FER: variants seen among roughly 807,000 people sequenced by gnomAD.
FER encodes the protein FER tyrosine kinase.
A neutral mutation model predicts 111.0 loss-of-function variants in FER; 63 were observed. The ratio of observed to expected loss-of-function variants is 0.57; its 90% confidence interval spans 0.46 to 0.70. FER has a LOEUF of 0.70. Ranked by LOEUF, FER falls within the 30% of genes least tolerant of loss-of-function variation. FER has a pLI of 0.00. For synonymous variants in FER, 327 were observed against 313.9 expected, an observed-to-expected ratio of 1.04 and a Z score of -0.44; for missense variants, 914 against 954.0, an observed-to-expected ratio of 0.96 and a Z score of 0.55.
At chr5:109,112,845 A>G (rs1749788242) in intron 17 of FER, among the ~76,000 whole-genome samples, 1 of 152,172 alleles carries the variant, frequency 6.6e-6, no homozygotes, top group African/African-American at 2.4e-5. Flanking sequence ...TGCATCTTAT[A>G]ACTTCCTATT....
rs148931282 is a variant in FER at position 108,824,109 on chromosome 5, G to A, written c.208-8661G>A. On this transcript the variant is annotated intron_variant, in intron 3 of 19. Coordinates refer to ENST00000281092, the MANE Select transcript of FER (RefSeq NM_005246.4). ...TGTATATGTGTGGGTTTATTTTTCTGTGCTCCCTCTATTCTTCCATTGGCC... is the reference window on the plus strand; with the variant it reads ...TGTATATGTGTGGGTTTATTTTTCTATGCTCCCTCTATTCTTCCATTGGCC... Among the ~76,000 whole-genome samples, 137 of 151,990 alleles carry A rather than the reference G, an allele frequency of 9.0e-4. 1 individual carries two copies. The highest frequency in any genetic ancestry group is 2.8e-3 in the African/African-American group (116 of 41,470).
At chr5:109,031,941 C>G (rs1231883786) in intron 13 of FER, among the ~76,000 whole-genome samples, 1 of 152,150 alleles carries the variant, frequency 6.6e-6, no homozygotes, top group Non-Finnish European at 1.5e-5. Context: ...GATGAACTTT[C>G]CTAGAGAAGC....
At chr5:108,844,996 G>GTATATATATATATATATATA (rs1178206742) in intron 5 of FER, among the ~76,000 whole-genome samples, 1 of 29,268 alleles carries the variant, frequency 3.4e-5, no homozygotes, top group Non-Finnish European at 7.0e-5. Flanking sequence ...GTGTGTGTGT[G>GTATATATATATATATATATA]TATATATATA....
At chr5:109,148,854 G>C (rs7735111) in intron 17 of FER, among the ~76,000 whole-genome samples, 41,991 of 151,972 alleles carry the variant, frequency 0.28, 5,935 homozygotes, top group African/African-American at 0.29. Context: ...ATAGCAATGA[G>C]TGTGTAAGAT....
In FER at chr5:108,769,956, A is replaced by AT. The variant is rs978235925; in HGVS notation, c.-60+1727dup. Among the ~76,000 whole-genome samples the AT allele has an allele frequency of 1.4e-3, 203 of 148,282 alleles. 1 individual carries two copies. Among genetic ancestry groups the AT allele is most frequent in the African/African-American group, 4.9e-3 (197 of 39,996 alleles). Reference sequence around the variant, plus strand: ...ACTGATGATGATGATGATGATGATGATTTTTTTTTGAGACGGAGCTTCACT... The same window carrying AT: ...ACTGATGATGATGATGATGATGATGATTTTTTTTTTGAGACGGAGCTTCACT... On this transcript the variant is annotated intron_variant, in intron 2 of 19. Transcript: ENST00000281092.
At chr5:108,942,031 A>G (rs940510105) in intron 10 of FER, among the ~76,000 whole-genome samples, 1 of 152,176 alleles carries the variant, frequency 6.6e-6, no homozygotes, top group South Asian at 2.1e-4. Context: ...GGCAGAGGAC[A>G]TATGAGAAAA....
At chr5:109,120,260 G>A (rs371036280) in intron 17 of FER, among the ~76,000 whole-genome samples, 6 of 151,940 alleles carry the variant, frequency 3.9e-5, no homozygotes, top group African/African-American at 1.2e-4. Flanking sequence ...GTCTTTAATC[G>A]GCTTTGATTT....
At chr5:108,951,043 GGC>G (rs1227219387) in intron 11 of FER, among the ~76,000 whole-genome samples, 1 of 152,038 alleles carries the variant, frequency 6.6e-6, no homozygotes, top group Non-Finnish European at 1.5e-5. Flanking sequence ...GGCTCGGGCA[GGC>G]GGATCATGAG....
rs538497388 is a variant in FER at position 109,174,149 on chromosome 5, A to G, written c.2049-6598A>G. On this transcript the variant is annotated intron_variant, in intron 17 of 19. Transcript: ENST00000281092. ...AATGGGCACAGAACTTGCCAGAGAG[A>G]GGTATGAAGTGCGGTAAAGGAGGTC... Among the ~76,000 whole-genome samples, 27 of 152,208 alleles carry G rather than the reference A, an allele frequency of 1.8e-4. No homozygotes were observed. The East Asian group carries it at 4.6e-3, about 26-fold the overall frequency.
intron 13 of FER, among the ~76,000 whole-genome samples, chr5:109,009,044 CT>C (rs1030906789): frequency 0.016 from 1,834 of 115,972 alleles, 11 homozygotes; most frequent in African/African-American, 0.055. Flanking sequence ...CCTCTTCAGT[CT>C]TTTTTTTTTT....
chr5:108,906,970 G>GA (rs1750869744), intron 10 of FER, among the ~76,000 whole-genome samples: 1 of 152,136 alleles, frequency 6.6e-6, no homozygotes, highest in East Asian at 1.9e-4. Context: ...GTGTAGGGTG[G>GA]AAAAAATTGT....
intron 2 of FER, among the ~76,000 whole-genome samples, chr5:108,783,100 T>C (rs892398913): frequency 1.3e-5 from 2 of 152,162 alleles, no homozygotes; most frequent in African/African-American, 4.8e-5. Context: ...ATGATACAAA[T>C]GTTGGATCTT....
chr5:109,011,151 GT>G (rs1439094391), intron 13 of FER, among the ~76,000 whole-genome samples: 1 of 148,002 alleles, frequency 6.8e-6, no homozygotes, highest in Non-Finnish European at 1.5e-5. Context: ...GTTTTTATCT[GT>G]TTTTTTCAAA....
At chr5:108,837,022 A>G (rs1760736709) in intron 5 of FER, among the ~76,000 whole-genome samples, 1 of 152,210 alleles carries the variant, frequency 6.6e-6, no homozygotes, top group African/African-American at 2.4e-5. Context: ...CTATTAATGT[A>G]GATATATCTT....
At chr5:109,000,559 C>G (rs1469213992) in intron 13 of FER, among the ~76,000 whole-genome samples, 1 of 151,862 alleles carries the variant, frequency 6.6e-6, no homozygotes, top group Non-Finnish European at 1.5e-5. Flanking sequence ...CAGGAAAGAT[C>G]TAAAATTGAC....
intron 5 of FER, among the ~76,000 whole-genome samples, chr5:108,850,803 G>A (rs1762476355): frequency 6.6e-6 from 1 of 152,078 alleles, no homozygotes; most frequent in Non-Finnish European, 1.5e-5. Context: ...CACTTACAAT[G>A]TTAGATAGTT....
intron 3 of FER, chr5:108,818,020 T>C (rs1412547811): frequency 6.6e-6 from 1 of 152,236 alleles, no homozygotes; most frequent in Non-Finnish European, 1.5e-5. Context: ...ATAAAATTTC[T>C]GTAAATTGAA....
chr5:108,971,047 C>T (rs73778344), intron 13 of FER, among the ~76,000 whole-genome samples: 1 of 151,722 alleles, frequency 6.6e-6, no homozygotes, highest in Admixed American at 6.6e-5. Flanking sequence ...GAAACTATTC[C>T]GATTTTTAAT....
chr5:108,947,416 A>G (rs1757132376), intron 11 of FER, among the ~76,000 whole-genome samples: 1 of 152,044 alleles, frequency 6.6e-6, no homozygotes. Context: ...GTAGTATCTT[A>G]CTGTAGTTTT....
Sources: allele counts gnomAD v4.1 joint callset (sites outside exome capture counted in the v4.1 genomes callset), GRCh38; gene constraint gnomAD v4.1.1; transcripts MANE v1.5; gene names NCBI Gene and HGNC (gene_info 2026-07-23, HGNC 2026-07-21).